The following KLHL1 variants were observed in gnomAD, a reference collection of about 807,000 sequenced individuals.
KLHL1 encodes the protein kelch like family member 1.
In KLHL1, 47 loss-of-function variants were observed where a neutral mutation model predicts 77.7. That is an observed-to-expected ratio of 0.60 (90% CI 0.48 to 0.77). KLHL1 has a LOEUF of 0.77. Among genes scored for constraint, KLHL1 ranks in the 30% least tolerant of loss-of-function variants. The pLI, the probability that KLHL1 is intolerant of heterozygous loss-of-function variation, is 0.00. For missense variants in KLHL1, 925 were observed against 910.8 expected (o/e 1.02, Z -0.20); for synonymous variants, 360 against 325.2 (o/e 1.11, Z -1.15).
intron 1 of KLHL1, among the ~76,000 whole-genome samples, chr13:69,993,851 T>C (rs778215117): frequency 3.3e-5 from 5 of 152,108 alleles, no homozygotes; most frequent in Non-Finnish European, 7.4e-5. Context: ...GACCCCAAGA[T>C]ACTGGCATCA....
chr13:70,043,132 C>T (rs188784970), intron 1 of KLHL1, among the ~76,000 whole-genome samples: 325 of 152,066 alleles, frequency 2.1e-3, no homozygotes, highest in African/African-American at 7.4e-3. Flanking sequence ...CTCGAACTCC[C>T]GACCTCTGGT....
intron 4 of KLHL1, among the ~76,000 whole-genome samples, chr13:69,920,403 A>G (rs1437534463): frequency 2.0e-5 from 3 of 152,166 alleles, no homozygotes; most frequent in African/African-American, 7.2e-5. Flanking sequence ...TTTAGGCAGT[A>G]CCCAATAAAA....
At chr13:70,086,891 T>C (rs1233154089) in intron 1 of KLHL1, among the ~76,000 whole-genome samples, 1 of 152,070 alleles carries the variant, frequency 6.6e-6, no homozygotes, top group Non-Finnish European at 1.5e-5. Context: ...TCGAATAGGA[T>C]ACAGCTATAG....
intron 8 of KLHL1, among the ~76,000 whole-genome samples, chr13:69,726,152 T>C (rs1256452719): frequency 1.3e-5 from 2 of 152,194 alleles, no homozygotes; most frequent in Middle Eastern, 3.2e-3. Flanking sequence ...CATACCATTA[T>C]GTAAATACTA....
intron 5 of KLHL1, among the ~76,000 whole-genome samples, chr13:69,865,820 T>C (rs775043883): frequency 6.6e-6 from 1 of 152,142 alleles, no homozygotes; most frequent in Non-Finnish European, 1.5e-5. Flanking sequence ...CATTCCACTC[T>C]CCTAAGAAAT....
In KLHL1 at chr13:69,831,527, A is replaced by G. The variant is rs1017194662; in HGVS notation, c.1414+7449T>C. ...CTGAATTATATCAGATATTCAAGGAAGAATTGGTACCAATTCTATTGAAAC... is the reference window on the plus strand; with the variant it reads ...CTGAATTATATCAGATATTCAAGGAGGAATTGGTACCAATTCTATTGAAAC... On this transcript the variant is annotated intron_variant, in intron 6 of 10. Transcript: ENST00000377844. Among the ~76,000 whole-genome samples the G allele has an allele frequency of 1.3e-5, 2 of 150,064 alleles. 1 individual carries two copies. Among genetic ancestry groups the G allele is most frequent in the Admixed American group, 1.3e-4 (2 of 15,022 alleles).
chr13:69,890,646 G>GCACA (rs146517627), intron 4 of KLHL1, among the ~76,000 whole-genome samples: 59 of 146,678 alleles, frequency 4.0e-4, no homozygotes, highest in African/African-American at 1.2e-3. Flanking sequence ...ACACACACAC[G>GCACA]CACACACACA....
chr13:70,098,866 T>C (rs1887854690), intron 1 of KLHL1, among the ~76,000 whole-genome samples: 1 of 151,892 alleles, frequency 6.6e-6, no homozygotes, highest in South Asian at 2.1e-4. Flanking sequence ...GTAGCTTCAA[T>C]GTGAATAAAC....
At chr13:69,826,855 A>G (rs1593865897) in intron 6 of KLHL1, among the ~76,000 whole-genome samples, 1 of 151,774 alleles carries the variant, frequency 6.6e-6, no homozygotes, top group African/African-American at 2.4e-5. Flanking sequence ...TAGGATACTT[A>G]TAGTAAGATT....
At chr13:70,081,879 A>G (rs949573374) in intron 1 of KLHL1, among the ~76,000 whole-genome samples, 1 of 152,144 alleles carries the variant, frequency 6.6e-6, no homozygotes, top group Non-Finnish European at 1.5e-5. Context: ...TGGAAAACTA[A>G]TAGAGTTGGT....
Position 70,092,519 on chromosome 13 carries a change from A to G in KLHL1, c.497+14684T>C, listed in dbSNP as rs1417245383. On this transcript the variant is annotated intron_variant, in intron 1 of 10. Coordinates refer to ENST00000377844, the MANE Select transcript of KLHL1 (RefSeq NM_020866.3). ...CAACAAAAGTAATATTTTTGCTTAT[A>G]CTTTATAGCACACAGCTTTTATATT... Among the ~76,000 whole-genome samples, 3 of 152,160 alleles carry G rather than the reference A, an allele frequency of 2.0e-5. No homozygotes were observed. In the East Asian group the frequency reaches 5.8e-4, roughly 29 times the overall value.
chr13:70,030,209 T>C (rs1407408892), intron 1 of KLHL1, among the ~76,000 whole-genome samples: 1 of 151,966 alleles, frequency 6.6e-6, no homozygotes, highest in East Asian at 1.9e-4. Flanking sequence ...AGCAAGGATG[T>C]CCAGGAATTG....
chr13:69,781,314 T>C (rs1169324126), intron 7 of KLHL1, among the ~76,000 whole-genome samples: 2 of 139,414 alleles, frequency 1.4e-5, no homozygotes, highest in African/African-American at 5.5e-5. Flanking sequence ...TTGTCAAATA[T>C]CAAGTTCATG....
chr13:70,104,082 T>C (rs1017292276), intron 1 of KLHL1, among the ~76,000 whole-genome samples: 1 of 152,184 alleles, frequency 6.6e-6, no homozygotes, highest in Non-Finnish European at 1.5e-5. Flanking sequence ...AATATTGCTC[T>C]TTGGTGTTTT....
Position 70,071,491 on chromosome 13 carries a change from CT to C in KLHL1, c.497+35711del, listed in dbSNP as rs1338098710. ...TAGTGGTTGAACTAAATAACAGCAT[CT>C]AACAGACATTTGTAGAACAGCAGAA... On this transcript the variant is annotated intron_variant, in intron 1 of 10. Coordinates refer to ENST00000377844, the MANE Select transcript of KLHL1 (RefSeq NM_020866.3). 1.3e-4 allele frequency among the ~76,000 whole-genome samples: 20 copies of C among 152,136 alleles called. No homozygotes were observed. The South Asian group carries it at 2.3e-3, about 17-fold the overall frequency.
intron 8 of KLHL1, 52 bp downstream of exon 8, chr13:69,740,342 T>G: frequency 8.2e-7 from 1 of 1,219,074 alleles, no homozygotes; most frequent in Middle Eastern, 2.7e-4. Flanking sequence ...AAATAATATT[T>G]ACCCAATAAC....
chr13:70,065,185 T>G (rs890426281), intron 1 of KLHL1, among the ~76,000 whole-genome samples: 3 of 152,120 alleles, frequency 2.0e-5, no homozygotes, highest in Non-Finnish European at 4.4e-5. Flanking sequence ...TTTGTGACTG[T>G]AGAAAAAAAT....
In KLHL1 at chr13:69,771,929, TATC is replaced by T. The variant is rs769607343; in HGVS notation, c.1639+24806_1639+24808del. ...TATATCTTTGTAGTATTGCAAGACT[TATC>T]AATAAATAGTATAATAATAATAATA... On this transcript the variant is annotated intron_variant, in intron 7 of 10. Coordinates refer to ENST00000377844, the MANE Select transcript of KLHL1 (RefSeq NM_020866.3). 2.5e-4 allele frequency among the ~76,000 whole-genome samples: 38 copies of T among 152,202 alleles called. 2 individuals are homozygous for T. In the South Asian group the frequency reaches 5.6e-3, roughly 22 times the overall value.
chr13:69,875,676 G>A (rs1240089581), intron 5 of KLHL1, among the ~76,000 whole-genome samples: 1 of 151,946 alleles, frequency 6.6e-6, no homozygotes, highest in East Asian at 1.9e-4. Context: ...AAAACACTTT[G>A]TCTTTTCTTA....
Sources: gnomAD v4.1 joint callset for allele counts (sites outside exome capture counted in the v4.1 genomes callset) on GRCh38, gnomAD v4.1.1 for gene constraint, MANE v1.5 for transcripts, NCBI Gene and HGNC (gene_info 2026-07-23, HGNC 2026-07-21) for gene names.